The following SPAG9 variants were observed in gnomAD, a reference collection of about 807,000 sequenced individuals.
The protein encoded by SPAG9 is sperm associated antigen 9, also known as C-Jun-amino-terminal kinase-interacting protein 4.
Under a neutral mutation model 166.5 loss-of-function variants are expected in SPAG9, and 35 were observed. The ratio of observed to expected loss-of-function variants is 0.21; its 90% CI spans 0.16 to 0.28. The LOEUF (loss-of-function observed/expected upper bound fraction) is 0.28. SPAG9 is among the 10% of genes least tolerant of loss of function. The probability of loss-of-function intolerance (pLI) is 1.00; values close to 1 mark genes in which losing one functional copy is unlikely to be tolerated. For missense variants in SPAG9, 1,235 were observed against 1,603.3 expected (o/e 0.77, Z 3.92); for synonymous variants, 534 against 565.5 (o/e 0.94, Z 0.79).
At chr17:51,015,570 CAG>C (rs1454638257) in intron 8 of SPAG9, among the ~76,000 whole-genome samples, 1 of 151,942 alleles carries the variant, frequency 6.6e-6, no homozygotes, top group Non-Finnish European at 1.5e-5. Context: ...GAGGATGTGA[CAG>C]AGACACTAAG....
intron 8 of SPAG9, among the ~76,000 whole-genome samples, chr17:51,019,344 G>A (rs2045837175): frequency 6.6e-6 from 1 of 152,194 alleles, no homozygotes; most frequent in Non-Finnish European, 1.5e-5. Context: ...GATCACCTCA[G>A]GAGTTTGACA....
chr17:50,982,408 C>A, intron 25 of SPAG9, 116 bp downstream of exon 25: 1 of 891,706 alleles, frequency 1.1e-6, no homozygotes, highest in Non-Finnish European at 1.7e-6. Context: ...TACTCAAGTG[C>A]CCTAAAACAC....
chr17:51,033,801 T>G (rs2046475924), intron 5 of SPAG9, among the ~76,000 whole-genome samples: 1 of 152,244 alleles, frequency 6.6e-6, no homozygotes. Context: ...AAAAAGGTAA[T>G]TTTTTCAGTA....
At chr17:51,066,331 G>A (rs548370291) in intron 2 of SPAG9, among the ~76,000 whole-genome samples, 1 of 151,896 alleles carries the variant, frequency 6.6e-6, no homozygotes, top group East Asian at 1.9e-4. Flanking sequence ...GGCTGGTCTC[G>A]ATCTCCTGGT....
intron 13 of SPAG9, among the ~76,000 whole-genome samples, chr17:51,001,097 C>T (rs1049439616): frequency 7.2e-5 from 11 of 152,184 alleles, no homozygotes; most frequent in Non-Finnish European, 1.3e-4. Context: ...TTAAAAACAA[C>T]ATGTCAATGC....
At chr17:51,001,577 T>A (rs190565643) in intron 13 of SPAG9, 138 bp downstream of exon 13, 1 of 753,642 alleles carries the variant, frequency 1.3e-6, no homozygotes, top group East Asian at 3.1e-5. Context: ...TAATTCTGAG[T>A]GTTACTTTAA....
At chr17:51,066,890 CA>C (rs567630931) in intron 2 of SPAG9, among the ~76,000 whole-genome samples, 45 of 141,042 alleles carry the variant, frequency 3.2e-4, no homozygotes, top group African/African-American at 4.4e-4. Flanking sequence ...GAGTCCATCT[CA>C]AAAAAAAAAA....
intron 6 of SPAG9, among the ~76,000 whole-genome samples, chr17:51,022,936 C>A (rs2045998688): frequency 1.0e-5 from 1 of 99,360 alleles, no homozygotes. Context: ...AGTGAAACTC[C>A]ATCTCAAAAT....
chr17:51,053,836 T>TAA (rs1196039200), intron 3 of SPAG9, among the ~76,000 whole-genome samples: 7 of 25,306 alleles, frequency 2.8e-4, no homozygotes, highest in Non-Finnish European at 3.7e-4. Context: ...AGACCCTAAT[T>TAA]AAAAAAAAAA....
chr17:51,078,398 C>T (rs1257540637), intron 2 of SPAG9, among the ~76,000 whole-genome samples: 1 of 152,202 alleles, frequency 6.6e-6, no homozygotes, highest in Non-Finnish European at 1.5e-5. Context: ...AGTTCTCACA[C>T]ACGCCCCAAG....
chr17:51,109,292 C>T (rs571713370), intron 1 of SPAG9, among the ~76,000 whole-genome samples: 3 of 151,248 alleles, frequency 2.0e-5, no homozygotes, highest in Non-Finnish European at 3.0e-5. Context: ...GCTGGAGTGC[C>T]GTGGCACGAT....
intron 6 of SPAG9, among the ~76,000 whole-genome samples, chr17:51,027,729 C>T (rs1028835524): frequency 5.3e-5 from 8 of 152,142 alleles, no homozygotes; most frequent in African/African-American, 1.4e-4. Flanking sequence ...CAATTCTATA[C>T]AGTACATAAT....
intron 3 of SPAG9, among the ~76,000 whole-genome samples, chr17:51,048,130 T>C (rs983617793): frequency 6.6e-6 from 1 of 152,100 alleles, no homozygotes; most frequent in Non-Finnish European, 1.5e-5. Flanking sequence ...AGAATACTTT[T>C]TGAGTCTTAG....
chr17:51,111,280 A>G (rs1357589214), intron 1 of SPAG9, among the ~76,000 whole-genome samples: 1 of 152,220 alleles, frequency 6.6e-6, no homozygotes, highest in African/African-American at 2.4e-5. Flanking sequence ...GTCTATGCAG[A>G]TATTTCTGAC....
At chr17:51,089,801 C>T (rs185179738) in intron 1 of SPAG9, among the ~76,000 whole-genome samples, 3 of 150,502 alleles carry the variant, frequency 2.0e-5, no homozygotes, top group African/African-American at 2.4e-5. Context: ...CTCAGCCTCA[C>T]GAGTGGCTGG....
At chr17:51,089,635 T>C (rs1481483608) in intron 1 of SPAG9, among the ~76,000 whole-genome samples, 1 of 75,756 alleles carries the variant, frequency 1.3e-5, no homozygotes, top group Non-Finnish European at 2.5e-5. Flanking sequence ...TATATATATA[T>C]ATATATATAT....
chr17:51,019,565 A>G (rs1317048208), intron 8 of SPAG9, among the ~76,000 whole-genome samples: 1 of 149,710 alleles, frequency 6.7e-6, no homozygotes, highest in Non-Finnish European at 1.5e-5. Flanking sequence ...TCAAAAAAAT[A>G]AACAAGGCTG....
chr17:51,000,068 C>A (rs2044863685), intron 13 of SPAG9, among the ~76,000 whole-genome samples: 1 of 152,104 alleles, frequency 6.6e-6, no homozygotes, highest in African/African-American at 2.4e-5. Flanking sequence ...CTTGTAAATT[C>A]CCATCTTTAC....
chr17:51,068,237 T>C (rs2047728419), intron 2 of SPAG9, among the ~76,000 whole-genome samples: 1 of 152,080 alleles, frequency 6.6e-6, no homozygotes, highest in South Asian at 2.1e-4. Context: ...AGCAAAGAAA[T>C]CTCAGACAAC....
Sources: allele counts gnomAD v4.1 joint callset (sites outside exome capture counted in the v4.1 genomes callset), GRCh38; gene constraint gnomAD v4.1.1; transcripts MANE v1.5; gene names NCBI Gene and HGNC (gene_info 2026-07-23, HGNC 2026-07-21).